The following ROBO2 variants were observed in gnomAD, a reference collection of about 807,000 sequenced individuals.
ROBO2 encodes roundabout homolog 2.
ROBO2 carries 53 observed loss-of-function variants against 160.8 expected under a neutral mutation model. That is an observed-to-expected ratio of 0.33 (90% CI 0.26 to 0.41). The LOEUF (loss-of-function observed/expected upper bound fraction) is 0.41. Among genes scored for constraint, ROBO2 ranks in the 10% least tolerant of loss-of-function variants. The probability of loss-of-function intolerance (pLI) is 1.00; values close to 1 mark genes in which losing one functional copy is unlikely to be tolerated. For missense variants in ROBO2, 1,577 were observed against 1,722.4 expected, an observed-to-expected ratio of 0.92 and a Z score of 1.49; for synonymous variants, 664 against 611.7, an observed-to-expected ratio of 1.09 and a Z score of -1.26.
chr3:76,085,498 T>C (rs1241461037), intron 2 of ROBO2, among the ~76,000 whole-genome samples: 2 of 152,148 alleles, frequency 1.3e-5, no homozygotes, highest in Non-Finnish European at 2.9e-5. Flanking sequence ...AAATATACAT[T>C]AGACTTGCAG....
At chr3:76,377,772 G>A (rs1449107857) in intron 2 of ROBO2, among the ~76,000 whole-genome samples, 1 of 151,996 alleles carries the variant, frequency 6.6e-6, no homozygotes, top group Admixed American at 6.6e-5. Flanking sequence ...GAGTAGAAAG[G>A]GTACTAGCTT....
At position 76,599,838 on chromosome 3, in the gene ROBO2, G is replaced by A. The variant is rs766700744; in HGVS notation, c.110-498176G>A. On this transcript the variant is annotated intron_variant, in intron 2 of 26. Transcript: ENST00000487694. The stretch of plus-strand genomic sequence containing the variant: ...TTTTTTCATATGCTTTTGGCCACAT[G>A]TATGTCTTCTTTTGAAAAGTGTCTG... Among the ~76,000 whole-genome samples, 4 of 152,130 alleles carry A rather than the reference G, an allele frequency of 2.6e-5. No homozygotes were observed. The East Asian group carries it at 5.8e-4, about 22-fold the overall frequency.
At chr3:76,779,523 C>T (rs1416690362) in intron 2 of ROBO2, among the ~76,000 whole-genome samples, 1 of 150,940 alleles carries the variant, frequency 6.6e-6, no homozygotes, top group African/African-American at 2.4e-5. Flanking sequence ...TCCCCAAGCA[C>T]CTGACAACCA....
intron 2 of ROBO2, among the ~76,000 whole-genome samples, chr3:77,264,490 C>CTACTT (rs1219978217): frequency 6.6e-6 from 1 of 152,010 alleles, no homozygotes; most frequent in Non-Finnish European, 1.5e-5. Context: ...CAAATTTATT[C>CTACTT]TACTTTACTC....
intron 2 of ROBO2, among the ~76,000 whole-genome samples, chr3:77,008,020 A>G (rs982758197): frequency 1.3e-5 from 2 of 152,010 alleles, no homozygotes; most frequent in African/African-American, 2.4e-5. Context: ...ATATTTTTAA[A>G]TTTTTAATGT....
chr3:76,150,318 T>C (rs966246680), intron 2 of ROBO2, among the ~76,000 whole-genome samples: 7 of 151,448 alleles, frequency 4.6e-5, no homozygotes, highest in Non-Finnish European at 1.0e-4. Context: ...GCACACATCA[T>C]CTGTCTAAAA....
At chr3:77,635,145 A>G (rs1294378953) in intron 24 of ROBO2, 102 bp downstream of exon 25, 1 of 1,306,432 alleles carries the variant, frequency 7.7e-7, no homozygotes, top group East Asian at 2.5e-5. Context: ...CCATTGCTTC[A>G]TTACATAACA....
chr3:76,326,544 A>G (rs994314223), intron 2 of ROBO2, among the ~76,000 whole-genome samples: 1 of 152,200 alleles, frequency 6.6e-6, no homozygotes, highest in Non-Finnish European at 1.5e-5. Flanking sequence ...TAATGCATAT[A>G]TTATATTGCA....
At chr3:76,497,704 C>G (rs2107602966) in intron 2 of ROBO2, among the ~76,000 whole-genome samples, 1 of 152,278 alleles carries the variant, frequency 6.6e-6, no homozygotes, top group South Asian at 2.1e-4. Context: ...CGAGTACTCT[C>G]TATAATATGG....
chr3:76,912,512 G>C (rs2148938656), intron 2 of ROBO2, among the ~76,000 whole-genome samples: 1 of 152,148 alleles, frequency 6.6e-6, no homozygotes, highest in East Asian at 1.9e-4. Flanking sequence ...TATTTTACAA[G>C]CCTATCAACT....
intron 2 of ROBO2, among the ~76,000 whole-genome samples, chr3:76,044,486 G>C (rs1385104279): frequency 6.6e-6 from 1 of 152,014 alleles, no homozygotes; most frequent in East Asian, 1.9e-4. Flanking sequence ...ATTTCTGTGA[G>C]AATGTGGGAC....
rs188603749 is a variant in ROBO2 at position 76,028,516 on chromosome 3, C to T, written c.109+90914C>T. On this transcript the variant is annotated intron_variant, in intron 2 of 26. Coordinates refer to the ROBO2 transcript ENST00000487694. ...AGGATCATAAGAGACTTGTTAGATT[C>T]TAAAGGAAGTTGCTAATGAATAAGG... is the stretch of plus-strand genomic sequence containing the variant. Among the ~76,000 whole-genome samples the T allele has an allele frequency of 3.6e-4, 54 of 151,908 alleles. No individual in the cohort carries two copies. In the East Asian group the frequency reaches 0.01, roughly 29 times the overall value.
intron 2 of ROBO2, among the ~76,000 whole-genome samples, chr3:76,083,369 A>T (rs2068900823): frequency 6.6e-6 from 1 of 152,128 alleles, no homozygotes; most frequent in Non-Finnish European, 1.5e-5. Flanking sequence ...TATTTTTAAA[A>T]TGAGAGTTAA....
intron 2 of ROBO2, among the ~76,000 whole-genome samples, chr3:76,440,852 G>A (rs544214330): frequency 4.9e-4 from 74 of 151,982 alleles, no homozygotes; most frequent in African/African-American, 1.7e-3. Context: ...ACAGAGTGCT[G>A]AGCAGGCTGC....
intron 2 of ROBO2, among the ~76,000 whole-genome samples, chr3:76,286,862 T>C (rs1708529926): frequency 6.6e-6 from 1 of 152,186 alleles, no homozygotes; most frequent in Non-Finnish European, 1.5e-5. Context: ...GCCTTGTGAC[T>C]TCCTTTAGGT....
At chr3:77,219,434 G>GTGTATATATATATATA (rs1553852643) in intron 2 of ROBO2, among the ~76,000 whole-genome samples, 25 of 115,250 alleles carry the variant, frequency 2.2e-4, no homozygotes, top group Non-Finnish European at 3.6e-4. Flanking sequence ...GTATGTGTGT[G>GTGTATATATATATATA]TATATATATA....
intron 2 of ROBO2, among the ~76,000 whole-genome samples, chr3:76,659,361 ATATAT>A (rs1477750913): frequency 6.0e-5 from 9 of 149,384 alleles, no homozygotes; most frequent in African/African-American, 1.7e-4. Context: ...AAATATATAC[ATATAT>A]TATGTATATA....
In ROBO2 at chr3:77,401,394, C is replaced by T. The variant is rs73842871; in HGVS notation, c.389-76020C>T. Among the ~76,000 whole-genome samples the T allele has an allele frequency of 8.6e-3, 1,306 of 152,114 alleles. 15 individuals carry two copies. Among genetic ancestry groups the T allele is most frequent in the African/African-American group, 0.03 (1,228 of 41,496 alleles). On this transcript the variant is annotated intron_variant, in intron 2 of 25. Coordinates refer to ENST00000461745, the Ensembl canonical transcript of ROBO2. Reference sequence around the variant, plus strand: ...AGCTATATTTTAAACTTTTTCAAGGCAGGGACAGTGTATTTTTATGTGAAT... The same window carrying T: ...AGCTATATTTTAAACTTTTTCAAGGTAGGGACAGTGTATTTTTATGTGAAT...
intron 2 of ROBO2, among the ~76,000 whole-genome samples, chr3:76,802,725 C>T (rs112251110): frequency 8.5e-6 from 1 of 117,648 alleles, no homozygotes; most frequent in East Asian, 2.3e-4. Flanking sequence ...GAGACTCCGT[C>T]TCAAAAAAAA....
Sources: allele counts gnomAD v4.1 joint callset (sites outside exome capture counted in the v4.1 genomes callset), GRCh38; gene constraint gnomAD v4.1.1; transcripts MANE v1.5; gene names NCBI Gene and HGNC (gene_info 2026-07-23, HGNC 2026-07-21).